The following RAD51B variants were observed in gnomAD, a reference collection of about 807,000 sequenced individuals.
The protein encoded by RAD51B is RAD51 paralog B, also known as DNA repair protein RAD51 homolog 2.
RAD51B carries 38 observed loss-of-function variants against 42.2 expected under a neutral mutation model. The observed-to-expected ratio is 0.90, with a 90% CI of 0.70 to 1.18. The LOEUF is 1.18. Among genes scored for constraint, RAD51B ranks in the 50% most tolerant of loss-of-function variants. RAD51B has a pLI of 0.00. For missense variants in RAD51B, 373 were observed against 400.7 expected, an observed-to-expected ratio of 0.93 and a Z score of 0.59; for synonymous variants, 154 against 145.2, an observed-to-expected ratio of 1.06 and a Z score of -0.43.
At chr14:68,401,142 C>T (rs1401750725) in intron 8 of RAD51B, among the ~76,000 whole-genome samples, 5 of 152,184 alleles carry the variant, frequency 3.3e-5, no homozygotes, top group African/African-American at 7.2e-5. Context: ...TGAAGCTTTT[C>T]GTATAAAGTG....
At position 68,362,249 on chromosome 14, in the gene RAD51B, A is replaced by G. The variant is rs779364450; in HGVS notation, c.854-49175A>G. On this transcript the variant is annotated intron_variant, in intron 8 of 10. Transcript: ENST00000471583. ...GTTAGCTCTTGTCATTATTTTTGTT[A>G]ATCCTTGACTGGGGTACTAAAATTC... Among the ~76,000 whole-genome samples the G allele has an allele frequency of 5.2e-4, 79 of 152,224 alleles. 1 individual carries two copies. The highest frequency in any genetic ancestry group is 3.8e-3 in the Admixed American group (58 of 15,282).
chr14:68,416,833 C>A (rs917871643), intron 9 of RAD51B, among the ~76,000 whole-genome samples: 1 of 152,144 alleles, frequency 6.6e-6, no homozygotes, highest in East Asian at 1.9e-4. Context: ...CAGACCCAGG[C>A]TGAGGGAGAG....
chr14:68,584,118 C>T (rs1447379478), intron 10 of RAD51B, among the ~76,000 whole-genome samples: 1 of 152,170 alleles, frequency 6.6e-6, no homozygotes, highest in Non-Finnish European at 1.5e-5. Flanking sequence ...CCTCGTGCCT[C>T]AGGGTCATTC....
intron 10 of RAD51B, among the ~76,000 whole-genome samples, chr14:68,489,121 CT>C (rs35218008): frequency 0.14 from 20,857 of 146,146 alleles, 1,724 homozygotes; most frequent in East Asian, 0.48. Context: ...GCCTGGCTAA[CT>C]TTTTTTTTTT....
At chr14:68,597,151 A>C (rs138341559), downstream of RAD51B, among the ~76,000 whole-genome samples, 4 of 152,200 alleles carry the variant, frequency 2.6e-5, no homozygotes, top group African/African-American at 9.6e-5. Flanking sequence ...TCCTCCTCTT[A>C]AAGGCATATT....
Position 67,873,695 on chromosome 14 carries a change from C to T in RAD51B, c.452+8556C>T, listed in dbSNP as rs897221682. On this transcript the variant is annotated intron_variant, in intron 5 of 10. Coordinates refer to ENST00000471583, the MANE Select transcript of RAD51B (RefSeq NM_133510.4). Reference sequence around the variant, plus strand: ...AAAGACTTGGAACCAACCCAAATGTCCAACAATGATAGACTGGATTAAGAA... The same window carrying T: ...AAAGACTTGGAACCAACCCAAATGTTCAACAATGATAGACTGGATTAAGAA... Among the ~76,000 whole-genome samples the T allele has an allele frequency of 8.3e-4, 124 of 148,654 alleles. 1 individual carries two copies. The highest frequency in any genetic ancestry group is 3.0e-3 in the African/African-American group (122 of 40,228).
intron 7 of RAD51B, among the ~76,000 whole-genome samples, chr14:67,975,935 C>T (rs944078563): frequency 2.0e-5 from 3 of 152,160 alleles, no homozygotes; most frequent in African/African-American, 7.2e-5. Flanking sequence ...TACTTTCTTA[C>T]CTTTATTAAT....
chr14:67,860,321 T>C (rs2042124138), intron 4 of RAD51B, among the ~76,000 whole-genome samples: 1 of 152,204 alleles, frequency 6.6e-6, no homozygotes, highest in Non-Finnish European at 1.5e-5. Context: ...ACTAATTTCA[T>C]TTTGTGCCAT....
intron 8 of RAD51B, among the ~76,000 whole-genome samples, chr14:68,383,530 C>G (rs1008346094): frequency 6.6e-5 from 10 of 152,164 alleles, no homozygotes; most frequent in African/African-American, 2.4e-4. Flanking sequence ...TTACCAGTTT[C>G]ACTCCTTCAG....
chr14:68,047,907 C>T (rs930335953), intron 7 of RAD51B, among the ~76,000 whole-genome samples: 1 of 151,962 alleles, frequency 6.6e-6, no homozygotes, highest in Non-Finnish European at 1.5e-5. Context: ...AACCTGTCTT[C>T]TTTAAAAAAT....
chr14:68,211,692 C>G (rs549203696), intron 7 of RAD51B, among the ~76,000 whole-genome samples: 2 of 152,172 alleles, frequency 1.3e-5, no homozygotes, highest in Non-Finnish European at 2.9e-5. Flanking sequence ...GTCATTGTCT[C>G]TAGGCCAAAG....
intron 11 of RAD51B, among the ~76,000 whole-genome samples, chr14:68,658,209 C>A (rs1191457941): frequency 6.6e-6 from 1 of 152,246 alleles, no homozygotes; most frequent in Non-Finnish European, 1.5e-5. Flanking sequence ...CTGAGGACAG[C>A]CACGTCCCTG....
intron 8 of RAD51B, among the ~76,000 whole-genome samples, chr14:68,324,076 TATAA>T (rs1331723131): frequency 6.6e-6 from 1 of 152,222 alleles, no homozygotes; most frequent in Non-Finnish European, 1.5e-5. Context: ...CTTAGAGGAT[TATAA>T]ATAAAGCCAC....
intron 4 of RAD51B, among the ~76,000 whole-genome samples, chr14:67,850,476 A>G (rs2041768483): frequency 6.6e-6 from 1 of 151,822 alleles, no homozygotes; most frequent in Non-Finnish European, 1.5e-5. Flanking sequence ...AGCAGGTTGT[A>G]TATTGGGCTG....
intron 8 of RAD51B, among the ~76,000 whole-genome samples, chr14:68,348,083 C>T (rs538958427): frequency 6.6e-6 from 1 of 152,286 alleles, no homozygotes; most frequent in African/African-American, 2.4e-5. Context: ...ATGGACCATG[C>T]TCTGGGAGGG....
intron 7 of RAD51B, among the ~76,000 whole-genome samples, chr14:68,239,495 CCTT>C (rs2080338042): frequency 6.6e-6 from 1 of 152,168 alleles, no homozygotes; most frequent in South Asian, 2.1e-4. Flanking sequence ...AAAAAGCTGT[CCTT>C]CTCCACAGTC....
intron 8 of RAD51B, among the ~76,000 whole-genome samples, chr14:68,395,253 A>T (rs2083882276): frequency 6.6e-6 from 1 of 152,136 alleles, no homozygotes; most frequent in Admixed American, 6.5e-5. Context: ...CTCTTAAGAT[A>T]AGATTTGCCC....
chr14:68,156,493 C>CTT lies in RAD51B; in HGVS notation c.757-135390_757-135389insTT, dbSNP rs535199399. 5.0e-4 allele frequency among the ~76,000 whole-genome samples: 76 copies of CTT among 150,770 alleles called. No individual in the cohort carries two copies. The East Asian group carries it at 9.7e-3, about 19-fold the overall frequency. ...TCTCTCTCTCTCTCTCTCTCTCTCT[C>CTT]TCTGCCTTTATGAAACTGACAGTAG... On this transcript the variant is annotated intron_variant, in intron 7 of 10. Coordinates refer to ENST00000471583, the MANE Select transcript of RAD51B (RefSeq NM_133510.4).
At chr14:68,529,357 A>G (rs1156879633) in intron 10 of RAD51B, among the ~76,000 whole-genome samples, 4 of 152,180 alleles carry the variant, frequency 2.6e-5, no homozygotes, top group Non-Finnish European at 5.9e-5. Flanking sequence ...CCACCACGCC[A>G]GGCTAATTTT....
Sources: gnomAD v4.1 joint callset for allele counts (sites outside exome capture counted in the v4.1 genomes callset) on GRCh38, gnomAD v4.1.1 for gene constraint, MANE v1.5 for transcripts, NCBI Gene and HGNC (gene_info 2026-07-23, HGNC 2026-07-21) for gene names.